Variants in MAML3 observed in about 807,000 individuals in gnomAD.
The protein encoded by MAML3 is mastermind like transcriptional coactivator 3.
MAML3 carries 27 observed loss-of-function variants against 101.9 expected under a neutral mutation model. The ratio of observed to expected loss-of-function variants is 0.27; its 90% CI spans 0.20 to 0.37. MAML3 has a LOEUF of 0.37. Among genes scored for constraint, MAML3 ranks in the 10% least tolerant of loss-of-function variants. MAML3 has a pLI of 1.00. For missense variants in MAML3, 1,316 were observed against 1,444.9 expected (o/e 0.91, Z 1.45); for synonymous variants, 501 against 555.9 (o/e 0.90, Z 1.39).
intron 2 of MAML3, among the ~76,000 whole-genome samples, chr4:139,857,833 C>T (rs1731691850): frequency 6.6e-6 from 1 of 152,312 alleles, no homozygotes; most frequent in African/African-American, 2.4e-5. Flanking sequence ...AAAACAGACC[C>T]AGTTCTTTTA....
intron 2 of MAML3, among the ~76,000 whole-genome samples, chr4:139,883,072 G>C (rs532294958): frequency 5.3e-5 from 8 of 152,250 alleles, no homozygotes; most frequent in Non-Finnish European, 1.0e-4. Flanking sequence ...ACGCAACACA[G>C]AACGGTGGTG....
chr4:140,112,939 G>T (rs1728460141), intron 1 of MAML3, among the ~76,000 whole-genome samples: 1 of 152,220 alleles, frequency 6.6e-6, no homozygotes. Context: ...AGCAAGGGGA[G>T]TTTCGAGTTT....
chr4:140,000,128 C>A (rs1368897118), intron 1 of MAML3, among the ~76,000 whole-genome samples: 1 of 152,146 alleles, frequency 6.6e-6, no homozygotes, highest in Non-Finnish European at 1.5e-5. Flanking sequence ...TAATCTCAGG[C>A]AAGCATCTGA....
At chr4:140,089,567 T>A (rs1728010715) in intron 1 of MAML3, among the ~76,000 whole-genome samples, 1 of 152,214 alleles carries the variant, frequency 6.6e-6, no homozygotes, top group Admixed American at 6.5e-5. Context: ...TATGAGTATT[T>A]AAAATAAGCT....
intron 1 of MAML3, among the ~76,000 whole-genome samples, chr4:139,954,083 A>G (rs770481945): frequency 1.3e-5 from 2 of 152,242 alleles, no homozygotes; most frequent in Non-Finnish European, 2.9e-5. Context: ...TCTTGTGCTC[A>G]GGCACACTTG....
intron 1 of MAML3, among the ~76,000 whole-genome samples, chr4:140,123,355 T>TA (rs1728638975): frequency 6.6e-6 from 1 of 152,216 alleles, no homozygotes; most frequent in African/African-American, 2.4e-5. Context: ...TATAAAGGTC[T>TA]AAAAAGTTAA....
At chr4:139,876,040 T>C (rs1159718482) in intron 2 of MAML3, among the ~76,000 whole-genome samples, 4 of 151,844 alleles carry the variant, frequency 2.6e-5, no homozygotes, top group Admixed American at 6.6e-5. Flanking sequence ...ACTAGCCACA[T>C]GTGGCTGTTG....
chr4:140,105,184 G>A (rs1261818396), intron 1 of MAML3, among the ~76,000 whole-genome samples: 4 of 152,182 alleles, frequency 2.6e-5, no homozygotes, highest in African/African-American at 4.8e-5. Context: ...TGAGAAAATT[G>A]TGTCCTATCA....
chr4:140,023,332 A>G (rs886572272), intron 1 of MAML3, among the ~76,000 whole-genome samples: 2 of 152,210 alleles, frequency 1.3e-5, no homozygotes, highest in Admixed American at 1.3e-4. Context: ...TTTTCAACCC[A>G]TGTGCTTCCA....
chr4:139,972,112 T>C lies in MAML3; in HGVS notation c.469-81145A>G, dbSNP rs60177950. Among the ~76,000 whole-genome samples the C allele has an allele frequency of 4.7e-3, 721 of 152,314 alleles. 6 individuals are homozygous for C. Among genetic ancestry groups the C allele is most frequent in the African/African-American group, 0.017 (695 of 41,560 alleles). On this transcript the variant is annotated intron_variant, in intron 1 of 4. Coordinates refer to ENST00000509479, the MANE Select transcript of MAML3 (RefSeq NM_018717.5). ...ACCTATGCAGGATGTACAGGTTTGTTACATAGGTAAATGTGTGCCATGGTG... is the reference window on the plus strand; with the variant it reads ...ACCTATGCAGGATGTACAGGTTTGTCACATAGGTAAATGTGTGCCATGGTG...
chr4:139,997,621 C>A (rs1011338219), intron 1 of MAML3, among the ~76,000 whole-genome samples: 1 of 151,782 alleles, frequency 6.6e-6, no homozygotes, highest in Non-Finnish European at 1.5e-5. Flanking sequence ...TTATATGAAC[C>A]CACATATTTG....
intron 1 of MAML3, among the ~76,000 whole-genome samples, chr4:140,045,096 T>C (rs895012896): frequency 4.6e-5 from 7 of 152,156 alleles, no homozygotes; most frequent in Non-Finnish European, 8.8e-5. Flanking sequence ...TTAATGTATT[T>C]TTAAAAAACA....
intron 1 of MAML3, among the ~76,000 whole-genome samples, chr4:139,906,911 G>T (rs1413197414): frequency 2.0e-5 from 3 of 151,980 alleles, no homozygotes; most frequent in African/African-American, 7.2e-5. Flanking sequence ...TGACTTTAGA[G>T]ATATTTTTGA....
At chr4:139,736,937 A>T (rs1728968912) in intron 2 of MAML3, among the ~76,000 whole-genome samples, 1 of 152,170 alleles carries the variant, frequency 6.6e-6, no homozygotes, top group Non-Finnish European at 1.5e-5. Context: ...AATTTTCAAA[A>T]TTTTCAGAGG....
At chr4:139,927,162 G>A (rs1733282343) in intron 1 of MAML3, among the ~76,000 whole-genome samples, 1 of 148,934 alleles carries the variant, frequency 6.7e-6, no homozygotes, top group African/African-American at 2.5e-5. Context: ...GACTTCAAGT[G>A]ATCCACCCAC....
intron 2 of MAML3, among the ~76,000 whole-genome samples, chr4:139,876,027 G>A (rs1236682236): frequency 6.7e-6 from 1 of 150,360 alleles, no homozygotes; most frequent in African/African-American, 2.5e-5. Context: ...CAACACAGTA[G>A]CCACTAGCCA....
chr4:139,971,943 C>A (rs898158025), intron 1 of MAML3, among the ~76,000 whole-genome samples: 2 of 152,182 alleles, frequency 1.3e-5, no homozygotes, highest in African/African-American at 2.4e-5. Context: ...CTCTCAGAAC[C>A]CATTTTAGCT....
chr4:139,790,216 C>CAT (rs367675413), intron 2 of MAML3, among the ~76,000 whole-genome samples: 22,850 of 109,940 alleles, frequency 0.21, 2,330 homozygotes, highest in Middle Eastern at 0.26. Context: ...ACCCTAGTGA[C>CAT]ATATATATAT....
chr4:139,719,405 G>T lies in MAML3; in HGVS notation c.3335C>A (p.Ala1112Glu). 1 of 1,614,006 alleles carries T rather than the reference G, an allele frequency of 6.2e-7. No homozygotes were observed. The highest frequency in any genetic ancestry group is 8.5e-7 in the Non-Finnish European group (1 of 1,179,880). ...TTTGATGATGGAGTCCACAAGGTCT[G>T]CACCGTCCGGGAGGCCAGGGAAGGA... is the stretch of plus-strand genomic sequence containing the variant. ...GGSFPGLPDGADLVDSIIKGG... is the reference protein window; with the variant it reads ...GGSFPGLPDGEDLVDSIIKGG... The change falls in exon 5 of 5, where the codon GCA becomes GAA. Residue 1112 changes from alanine (A) to glutamate (E), a missense_variant. Physicochemically the swap from Ala to Glu is moderately radical, Grantham distance 107. Coordinates refer to ENST00000509479, the MANE Select transcript of MAML3 (RefSeq NM_018717.5).
Sources: gnomAD v4.1 joint callset for allele counts (sites outside exome capture counted in the v4.1 genomes callset) on GRCh38, gnomAD v4.1.1 for gene constraint, MANE v1.5 for transcripts, NCBI Gene and HGNC (gene_info 2026-07-23, HGNC 2026-07-21) for gene names.